The following CHSY3 variants were observed in gnomAD, a reference collection of about 807,000 sequenced individuals.
CHSY3 encodes N-acetylgalactosaminyl-proteoglycan 3-beta-glucuronosyltransferase 3.
In CHSY3, 35 loss-of-function variants were observed where a neutral mutation model predicts 67.2. The ratio of observed to expected loss-of-function variants is 0.52; its 90% CI spans 0.40 to 0.69. The LOEUF is 0.69. Among genes scored for constraint, CHSY3 ranks in the 30% least tolerant of loss-of-function variants. The pLI is 0.00. For missense variants in CHSY3, 1,069 were observed against 1,138.5 expected, an observed-to-expected ratio of 0.94 and a Z score of 0.88; for synonymous variants, 474 against 434.7, an observed-to-expected ratio of 1.09 and a Z score of -1.12.
rs369516543 is a variant in CHSY3 at position 130,136,445 on chromosome 5, A to G, written c.1087-47784A>G. Among the ~76,000 whole-genome samples the G allele has an allele frequency of 5.9e-5, 9 of 152,296 alleles. No individual in the cohort carries two copies. In the East Asian group the frequency reaches 1.7e-3, roughly 29 times the overall value. ...CTGAAGTTTTGAGGCAGGGAGTGAT[A>G]TAAGTGAATTTTAACTCTGGCAGCT... On this transcript the variant is annotated intron_variant, in intron 2 of 2. Transcript: ENST00000305031.
chr5:130,137,782 T>C (rs1768713852), intron 2 of CHSY3, among the ~76,000 whole-genome samples: 1 of 152,178 alleles, frequency 6.6e-6, no homozygotes, highest in Non-Finnish European at 1.5e-5. Context: ...GAAATTTGGC[T>C]ACAGTGTGAG....
intron 2 of CHSY3, chr5:130,141,664 A>C (rs1434027461): frequency 3.8e-6 from 2 of 528,588 alleles, no homozygotes; most frequent in East Asian, 1.0e-4. Context: ...TGCATTCGAT[A>C]TGAAAGCAGC....
chr5:130,153,081 A>G (rs1466402458), intron 2 of CHSY3, among the ~76,000 whole-genome samples: 1 of 152,030 alleles, frequency 6.6e-6, no homozygotes, highest in African/African-American at 2.4e-5. Flanking sequence ...AAATACAAAA[A>G]TTAGCTGGGT....
At chr5:130,163,891 G>A (rs1769642641) in intron 2 of CHSY3, among the ~76,000 whole-genome samples, 1 of 152,156 alleles carries the variant, frequency 6.6e-6, no homozygotes, top group African/African-American at 2.4e-5. Flanking sequence ...GTTGACAGAG[G>A]ATGCATCTAT....
chr5:130,129,659 G>T (rs1768416390), intron 2 of CHSY3, among the ~76,000 whole-genome samples: 1 of 152,186 alleles, frequency 6.6e-6, no homozygotes. Flanking sequence ...TTTAAATTTT[G>T]TTATAAAAAC....
chr5:130,034,816 T>C (rs1364601483), intron 2 of CHSY3, among the ~76,000 whole-genome samples: 1 of 151,910 alleles, frequency 6.6e-6, no homozygotes, highest in Non-Finnish European at 1.5e-5. Flanking sequence ...AAAAACCCAG[T>C]GGAGGTCAGA....
At chr5:129,971,950 A>G (rs1762651876) in intron 2 of CHSY3, among the ~76,000 whole-genome samples, 1 of 152,010 alleles carries the variant, frequency 6.6e-6, no homozygotes, top group Non-Finnish European at 1.5e-5. Flanking sequence ...CAGCTATGCT[A>G]TTTTAAACAT....
At chr5:129,973,295 T>A (rs980988928) in intron 2 of CHSY3, among the ~76,000 whole-genome samples, 86 of 152,108 alleles carry the variant, frequency 5.7e-4, no homozygotes, top group African/African-American at 2.1e-3. Context: ...ACACTTTTTA[T>A]GAAGAATTTC....
chr5:130,088,838 G>A (rs1398063949), intron 2 of CHSY3, among the ~76,000 whole-genome samples: 3 of 152,084 alleles, frequency 2.0e-5, no homozygotes, highest in Non-Finnish European at 4.4e-5. Context: ...TCTAGAACTA[G>A]AAATACCATT....
chr5:129,996,898 T>G (rs1390011863), intron 2 of CHSY3, among the ~76,000 whole-genome samples: 3 of 152,198 alleles, frequency 2.0e-5, no homozygotes, highest in African/African-American at 4.8e-5. Flanking sequence ...GAAGATATAT[T>G]ATTTCACTTC....
At chr5:129,968,031 C>CA (rs1171150159) in intron 2 of CHSY3, among the ~76,000 whole-genome samples, 3 of 151,454 alleles carry the variant, frequency 2.0e-5, no homozygotes, top group African/African-American at 7.3e-5. Context: ...GTGTAGTCTT[C>CA]AAAAAATCCA....
intron 2 of CHSY3, among the ~76,000 whole-genome samples, chr5:130,088,988 A>G (rs1766773878): frequency 6.6e-6 from 1 of 152,038 alleles, no homozygotes; most frequent in Non-Finnish European, 1.5e-5. Flanking sequence ...TCCAACAATG[A>G]TAGACTGGAT....
At chr5:130,080,424 G>A (rs773651954) in intron 2 of CHSY3, among the ~76,000 whole-genome samples, 1 of 152,010 alleles carries the variant, frequency 6.6e-6, no homozygotes, top group Non-Finnish European at 1.5e-5. Flanking sequence ...CCACTAGGAT[G>A]TTTTTTCTCA....
intron 2 of CHSY3, among the ~76,000 whole-genome samples, chr5:129,931,611 T>C (rs56125004): frequency 0.027 from 4,106 of 152,240 alleles, 192 homozygotes; most frequent in African/African-American, 0.093. Flanking sequence ...AGGTGATGTA[T>C]AGGTGATGTA....
intron 2 of CHSY3, among the ~76,000 whole-genome samples, chr5:130,050,175 C>A (rs1422856917): frequency 1.3e-5 from 2 of 152,064 alleles, no homozygotes; most frequent in Non-Finnish European, 2.9e-5. Context: ...TATTTAAGTA[C>A]TTTTCTTTTG....
In CHSY3 at chr5:129,904,570, C is replaced by T. The variant is rs899414926; in HGVS notation, c.-260C>T. 2 of 430,716 alleles carry T rather than the reference C, an allele frequency of 4.6e-6. No homozygotes were observed. Among genetic ancestry groups the T allele is most frequent in the Non-Finnish European group, 3.6e-6 (1 of 275,274 alleles). 26.7% of individuals were successfully genotyped at this position (430,716 alleles called of 1,614,324 possible). A position where few individuals can be genotyped will look rare whatever the true frequency, so the allele number is the denominator to read the frequency against. ...CCGCTGCTGCCGCCGCTGCCGCCAC[C>T]GCCGCCGCCGGGAGAAGTTTCACTC... On this transcript the variant is annotated 5_prime_UTR_variant, in exon 1 of 3. Coordinates refer to ENST00000305031, the MANE Select transcript of CHSY3 (RefSeq NM_175856.5).
intron 2 of CHSY3, among the ~76,000 whole-genome samples, chr5:130,063,594 A>T (rs191813107): frequency 6.6e-6 from 1 of 152,168 alleles, no homozygotes; most frequent in African/African-American, 2.4e-5. Context: ...TAGTATTTTC[A>T]TCTCCCAGGA....
At chr5:129,958,545 G>C (rs1399566574) in intron 2 of CHSY3, among the ~76,000 whole-genome samples, 1 of 152,102 alleles carries the variant, frequency 6.6e-6, no homozygotes, top group Non-Finnish European at 1.5e-5. Flanking sequence ...CTTTTGTACA[G>C]AGCAAGATGG....
At chr5:130,074,986 A>G (rs1251903769) in intron 2 of CHSY3, among the ~76,000 whole-genome samples, 1 of 152,178 alleles carries the variant, frequency 6.6e-6, no homozygotes, top group African/African-American at 2.4e-5. Flanking sequence ...TAGATGAAAT[A>G]AAAATTCCTC....
Sources: gnomAD v4.1 joint callset for allele counts (sites outside exome capture counted in the v4.1 genomes callset) on GRCh38, gnomAD v4.1.1 for gene constraint, MANE v1.5 for transcripts, NCBI Gene and HGNC (gene_info 2026-07-23, HGNC 2026-07-21) for gene names.